Variants in TPBG observed in about 807,000 individuals in gnomAD.
The protein encoded by TPBG is trophoblast glycoprotein.
A neutral mutation model predicts 19.3 loss-of-function variants in TPBG; 13 were observed. The observed-to-expected ratio is 0.67, with a 90% CI of 0.44 to 1.07. TPBG has a LOEUF of 1.07. TPBG is among the 50% of genes least tolerant of loss of function. The pLI, the probability that TPBG is intolerant of heterozygous loss-of-function variation, is 0.00. For synonymous variants in TPBG, 338 were observed against 259.8 expected, an observed-to-expected ratio of 1.30 and a Z score of -2.89; for missense variants, 642 against 559.6, an observed-to-expected ratio of 1.15 and a Z score of -1.49.
upstream of TPBG, chr6:82,363,320 G>T (rs1478290465): frequency 1.3e-5 from 2 of 152,002 alleles, no homozygotes; most frequent in African/African-American, 2.4e-5. Context: ...ACCTAAATCT[G>T]AAGTTTGCGG....
chr6:82,364,812 G>C lies in TPBG; in HGVS notation c.-150G>C, dbSNP rs1767429034. The stretch of plus-strand genomic sequence containing the variant: ...GCCCGGTGGCGAGGGGGTTAGCCAA[G>C]TTCCGGCTGCGGCGCCACTCCCTCG... On this transcript the variant is annotated 5_prime_UTR_variant, in exon 2 of 2. Coordinates refer to ENST00000369750, the MANE Select transcript of TPBG (RefSeq NM_001376922.1). The C allele has an allele frequency of 1.5e-6, 1 of 649,972 alleles. No individual in the cohort carries two copies. The allele number at this position is 649,972 out of a possible 1,614,324, so 40.3% of individuals were successfully genotyped here.
Position 82,365,060 on chromosome 6 carries a change from T to C in TPBG, c.99T>C (p.Ser33=), listed in dbSNP as rs530126449. 3 of 1,552,838 alleles carry C rather than the reference T, an allele frequency of 1.9e-6. No individual in the cohort carries two copies. The East Asian group carries it at 7.4e-5, about 38-fold the overall frequency. Residue 33 remains serine (S), a synonymous_variant, in exon 2 of 2, where the codon TCT becomes TCC. Transcript: ENST00000369750. The part of the protein sequence containing the change: ...LVLLGWVSSS[S]PTSSASSFSS... Reference sequence around the variant, plus strand: ...TCCTGGGCTGGGTCTCCTCGTCTTCTCCCACCTCCTCGGCATCCTCCTTCT... The same window carrying C: ...TCCTGGGCTGGGTCTCCTCGTCTTCCCCCACCTCCTCGGCATCCTCCTTCT...
Position 82,365,098 on chromosome 6 carries a change from C to G in TPBG, c.137C>G (p.Pro46Arg), listed in dbSNP as rs1214397328. 6 of 1,580,070 alleles carry G rather than the reference C, an allele frequency of 3.8e-6. No homozygotes were observed. The highest frequency in any genetic ancestry group is 5.2e-6 in the Non-Finnish European group (6 of 1,163,166). The change falls in exon 2 of 2, where the codon CCG (proline) becomes CGG (arginine). Residue 46 changes from proline to arginine, a missense_variant. Transcript: ENST00000369750. ...SSASSFSSSA[P>R]FLASAVSAQP... ...GCATCCTCCTTCTCCTCCTCGGCGCCGTTCCTGGCTTCCGCCGTGTCCGCC... is the reference window on the plus strand; with the variant it reads ...GCATCCTCCTTCTCCTCCTCGGCGCGGTTCCTGGCTTCCGCCGTGTCCGCC...
In TPBG at chr6:82,366,604, A is replaced by T. The variant is rs1013783597; in HGVS notation, c.*380A>T. The T allele has an allele frequency of 1.1e-5, 2 of 179,582 alleles. No individual in the cohort carries two copies. Among genetic ancestry groups the T allele is most frequent in the African/African-American group, 4.8e-5 (2 of 41,888 alleles). 11.1% of individuals were successfully genotyped at this position (179,582 alleles called of 1,614,324 possible). A position where few individuals can be genotyped will look rare whatever the true frequency, so the allele number is the denominator to read the frequency against. On this transcript the variant is annotated 3_prime_UTR_variant, in exon 2 of 2. Transcript: ENST00000369750. ...CTGCCTCAACTTTTTCGAGAAAAATACTTTATTCATAAATATCAGTTTTAT... is the reference window on the plus strand; with the variant it reads ...CTGCCTCAACTTTTTCGAGAAAAATTCTTTATTCATAAATATCAGTTTTAT...
Position 82,365,543 on chromosome 6 carries a change from C to T in TPBG, c.582C>T (p.Ser194=). 2 of 1,575,184 alleles carry T rather than the reference C, an allele frequency of 1.3e-6. No individual in the cohort carries two copies. The highest frequency in any genetic ancestry group is 1.4e-5 in the African/African-American group (1 of 73,918). Residue 194 remains serine (S), a synonymous_variant, in exon 2 of 2, where the codon AGC becomes AGT. Coordinates refer to ENST00000369750, the MANE Select transcript of TPBG (RefSeq NM_001376922.1). ...CTGAAGATGAGCGGCAGAACCGGAGCTTCGAGGGCATGGTGGTGGCGGCCC... is the reference window on the plus strand; with the variant it reads ...CTGAAGATGAGCGGCAGAACCGGAGTTTCGAGGGCATGGTGGTGGCGGCCC... ...VPPEDERQNR[S]FEGMVVAALL... is the part of the protein sequence containing the mutation.
At position 82,365,286 on chromosome 6, in the gene TPBG, G is replaced by T; in HGVS notation, c.325G>T (p.Gly109Cys). The T allele has an allele frequency of 2.6e-6, 4 of 1,547,860 alleles. No homozygotes were observed. The highest frequency in any genetic ancestry group is 3.5e-6 in the Non-Finnish European group (4 of 1,157,866). ...CAACCAGCTGGCCGTGCTCCCTGCC[G>T]GCGCCTTCGCCCGCCGGCCGCCGCT... is the stretch of plus-strand genomic sequence containing the variant. ...TGNQLAVLPAGAFARRPPLAE... is the reference protein window; with the variant it reads ...TGNQLAVLPACAFARRPPLAE... The change falls in exon 2 of 2, where the codon GGC (glycine) becomes TGC (cysteine). Residue 109 changes from glycine to cysteine, a missense_variant. Transcript: ENST00000369750.
At position 82,366,245 on chromosome 6, in the gene TPBG, A is replaced by C. The variant is rs1265245709; in HGVS notation, c.*21A>C. 17 of 1,554,884 alleles carry C rather than the reference A, an allele frequency of 1.1e-5. No homozygotes were observed. The highest frequency in any genetic ancestry group is 1.4e-5 in the Non-Finnish European group (16 of 1,152,342). On this transcript the variant is annotated 3_prime_UTR_variant, in exon 2 of 2. Coordinates refer to ENST00000369750, the MANE Select transcript of TPBG (RefSeq NM_001376922.1). Reference sequence around the variant, plus strand: ...TCTGAGAAATATTAGAGGACAGACCAAGGACAACTCTGCATGAGATGTAGA... The same window carrying C: ...TCTGAGAAATATTAGAGGACAGACCCAGGACAACTCTGCATGAGATGTAGA...
rs551476507 is a variant in TPBG at position 82,363,835 on chromosome 6, C to A, written c.-413C>A. 6.6e-6 allele frequency: 1 copy of A among 152,458 alleles called. No homozygotes were observed. The highest frequency in any genetic ancestry group is 2.4e-5 in the African/African-American group (1 of 41,452). 9.4% of individuals were successfully genotyped at this position (152,458 alleles called of 1,614,324 possible). A position where few individuals can be genotyped will look rare whatever the true frequency, so the allele number is the denominator to read the frequency against. ...CTGGGGTGCGAAGAGAGTCGGCGCC[C>A]GCAACGCGGAGCCGGGAAGTCGTCG... On this transcript the variant is annotated 5_prime_UTR_variant, in exon 1 of 2. Coordinates refer to ENST00000369750, the MANE Select transcript of TPBG (RefSeq NM_001376922.1).
At position 82,366,244 on chromosome 6, in the gene TPBG, C is replaced by A; in HGVS notation, c.*20C>A. On this transcript the variant is annotated 3_prime_UTR_variant, in exon 2 of 2. Transcript: ENST00000369750. ...GTCTGAGAAATATTAGAGGACAGAC[C>A]AAGGACAACTCTGCATGAGATGTAG... 6.4e-7 allele frequency: 1 copy of A among 1,554,594 alleles called. No individual in the cohort carries two copies. Among genetic ancestry groups the A allele is most frequent in the Non-Finnish European group, 8.7e-7 (1 of 1,152,258 alleles).
In TPBG at chr6:82,365,513, G is replaced by GC; in HGVS notation, c.557dup (p.Glu187Ter). 6.3e-7 allele frequency: 1 copy of GC among 1,582,752 alleles called. No individual in the cohort carries two copies. The highest frequency in any genetic ancestry group is 8.6e-7 in the Non-Finnish European group (1 of 1,167,532). On this transcript the variant is annotated frameshift_variant, in exon 2 of 2. Transcript: ENST00000369750. LOFTEE classifies it high-confidence loss of function. ...TGGAACTGATCCTGAACCACATCGT[G>GC]CCCCCTGAAGATGAGCGGCAGAACC...
Position 82,365,329 on chromosome 6 carries a change from T to C in TPBG, c.368T>C (p.Leu123Pro). 6.3e-7 allele frequency: 1 copy of C among 1,577,994 alleles called. No individual in the cohort carries two copies. Among genetic ancestry groups the C allele is most frequent in the Non-Finnish European group, 8.5e-7 (1 of 1,169,934 alleles). The change falls in exon 2 of 2, where the codon CTC becomes CCC. Residue 123 changes from leucine (L) to proline (P), a missense_variant. Leu to Pro is a moderately conservative substitution (Grantham distance 98). Coordinates refer to ENST00000369750, the MANE Select transcript of TPBG (RefSeq NM_001376922.1). ...CCGCCGCTGGCGGAGCTGGCCGCGC[T>C]CAACCTCAGCGGCAGCCGCCTGGAC... is the stretch of plus-strand genomic sequence containing the variant. ...RRPPLAELAALNLSGSRLDEV... is the reference protein window; with the variant it reads ...RRPPLAELAAPNLSGSRLDEV...
Position 82,364,690 on chromosome 6 carries a change from A to G in TPBG, c.-272A>G, listed in dbSNP as rs2127871188. On this transcript the variant is annotated 5_prime_UTR_variant, in exon 2 of 2. Coordinates refer to ENST00000369750, the MANE Select transcript of TPBG (RefSeq NM_001376922.1). The stretch of plus-strand genomic sequence containing the variant: ...GAGGTGGCACCAGGGCGGCGGCAGG[A>G]AGAGGAGCGGGAGCAGGAGCGCGGA... 2 of 407,068 alleles carry G rather than the reference A, an allele frequency of 4.9e-6. No homozygotes were observed. The highest frequency in any genetic ancestry group is 3.9e-5 in the East Asian group (1 of 25,550). 25.2% of individuals were successfully genotyped at this position (407,068 alleles called of 1,614,324 possible). A position where few individuals can be genotyped will look rare whatever the true frequency, so the allele number is the denominator to read the frequency against.
Position 82,365,911 on chromosome 6 carries a change from G to A in TPBG, c.950G>A (p.Gly317Asp), listed in dbSNP as rs867429426. 1 of 1,614,198 alleles carries A rather than the reference G, an allele frequency of 6.2e-7. No individual in the cohort carries two copies. The highest frequency in any genetic ancestry group is 2.2e-5 in the East Asian group (1 of 44,874). The change falls in exon 2 of 2, where the codon GGC becomes GAC. Residue 317 changes from glycine to aspartate, a missense_variant. Physicochemically the swap from Gly to Asp is moderately conservative, Grantham distance 94. Transcript: ENST00000369750. ...TWLKETEVVQGKDRLTCAYPE... is the reference protein window; with the variant it reads ...TWLKETEVVQDKDRLTCAYPE... ...CTCAAGGAAACAGAGGTAGTGCAGGGCAAAGACCGGCTCACCTGTGCATAT... is the reference window on the plus strand; with the variant it reads ...CTCAAGGAAACAGAGGTAGTGCAGGACAAAGACCGGCTCACCTGTGCATAT...
rs574869097 is a variant in TPBG at position 82,364,937 on chromosome 6, C to T, written c.-25C>T. 1.4e-5 allele frequency: 21 copies of T among 1,448,432 alleles called. No individual in the cohort carries two copies. The highest frequency in any genetic ancestry group is 2.5e-4 in the Middle Eastern group (1 of 3,986). The allele number at this position is 1,448,432 out of a possible 1,614,324, so 89.7% of individuals were successfully genotyped here. On this transcript the variant is annotated 5_prime_UTR_variant, in exon 2 of 2. Transcript: ENST00000369750. Reference sequence around the variant, plus strand: ...CTTCGGAGCGGGCGCCGTCCCAGCCCAGCTCCGGGGAAACGCGAGCCGCGA... The same window carrying T: ...CTTCGGAGCGGGCGCCGTCCCAGCCTAGCTCCGGGGAAACGCGAGCCGCGA...
At chr6:82,363,587 G>C (rs1046953742), upstream of TPBG, 2 of 152,554 alleles carry the variant, frequency 1.3e-5, no homozygotes, top group African/African-American at 2.4e-5. Context: ...TGTCGGGGAG[G>C]GGGGAGAGAA....
upstream of TPBG, chr6:82,363,797 G>T (rs542847949): frequency 6.6e-6 from 1 of 152,600 alleles, no homozygotes; most frequent in African/African-American, 2.4e-5. Flanking sequence ...AGGTTGGGAG[G>T]TTGGGCCAGG....
In TPBG at chr6:82,366,336, A is replaced by T. The variant is rs369167004; in HGVS notation, c.*112A>T. On this transcript the variant is annotated 3_prime_UTR_variant, in exon 2 of 2. Transcript: ENST00000369750. ...TCCACTATAGATACAACGGACTTTG[A>T]CTAAAAGCAGTGAAGGGGATTTGCT... 31 of 1,277,322 alleles carry T rather than the reference A, an allele frequency of 2.4e-5. No homozygotes were observed. In the Middle Eastern group the frequency reaches 5.8e-4, roughly 24 times the overall value. The allele number at this position is 1,277,322 out of a possible 1,614,324, so 79.1% of individuals were successfully genotyped here.
In TPBG at chr6:82,365,198, C is replaced by T. The variant is rs967351830; in HGVS notation, c.237C>T (p.Asn79=). The T allele has an allele frequency of 2.5e-6, 4 of 1,597,378 alleles. No homozygotes were observed. The highest frequency in any genetic ancestry group is 3.4e-6 in the Non-Finnish European group (4 of 1,174,224). Residue 79 remains asparagine, a synonymous_variant, in exon 2 of 2, where the codon AAC becomes AAT. Coordinates refer to ENST00000369750, the MANE Select transcript of TPBG (RefSeq NM_001376922.1). The stretch of plus-strand genomic sequence containing the variant: ...CAGCGCGCACAGTCAAGTGCGTTAA[C>T]CGCAATCTGACCGAGGTGCCCACGG... ...SEAARTVKCV[N]RNLTEVPTDL...
In TPBG at chr6:82,365,956, G is replaced by T. The variant is rs773244685; in HGVS notation, c.995G>T (p.Arg332Leu). The T allele has an allele frequency of 1.2e-6, 2 of 1,614,076 alleles. No homozygotes were observed. The highest frequency in any genetic ancestry group is 2.2e-5 in the South Asian group (2 of 91,062). The stretch of plus-strand genomic sequence containing the variant: ...GCATATCCGGAAAAAATGAGGAATC[G>T]GGTCCTCTTGGAACTCAACAGTGCT... ...TCAYPEKMRNRVLLELNSADL... is the reference protein window; with the variant it reads ...TCAYPEKMRNLVLLELNSADL... The change falls in exon 2 of 2, where the codon CGG becomes CTG. Residue 332 changes from arginine to leucine, a missense_variant. Coordinates refer to ENST00000369750, the MANE Select transcript of TPBG (RefSeq NM_001376922.1).
Sources: gnomAD v4.1 joint callset for allele counts on GRCh38, gnomAD v4.1.1 for gene constraint, MANE v1.5 for transcripts, NCBI Gene and HGNC (gene_info 2026-07-23, HGNC 2026-07-21) for gene names.